The following FARS2 variants were observed in gnomAD, a reference collection of about 807,000 sequenced individuals.
FARS2 encodes phenylalanine--tRNA ligase, mitochondrial.
A neutral mutation model predicts 46.4 loss-of-function variants in FARS2; 40 were observed. That is an observed-to-expected ratio of 0.86 (90% CI 0.67 to 1.12). The LOEUF (loss-of-function observed/expected upper bound fraction) is 1.12. FARS2 is among the 50% of genes most tolerant of loss of function. FARS2 has a pLI of 0.00. For synonymous variants in FARS2, 234 were observed against 214.9 expected (o/e 1.09, Z -0.78); for missense variants, 513 against 567.9 (o/e 0.90, Z 0.98).
At chr6:5,357,831 T>C (rs1758035056) in intron 1 of FARS2, among the ~76,000 whole-genome samples, 2 of 152,238 alleles carry the variant, frequency 1.3e-5, no homozygotes, top group Admixed American at 6.5e-5. Context: ...CACAGATTAA[T>C]GTTTGTCTTT....
At chr6:5,692,359 T>C (rs928497155) in intron 6 of FARS2, among the ~76,000 whole-genome samples, 6 of 152,234 alleles carry the variant, frequency 3.9e-5, no homozygotes, top group African/African-American at 1.4e-4. Flanking sequence ...TCTTAGGCTG[T>C]TTAAAATTTA....
chr6:5,402,920 T>C (rs1761347072), intron 2 of FARS2, among the ~76,000 whole-genome samples: 1 of 152,142 alleles, frequency 6.6e-6, no homozygotes, highest in Non-Finnish European at 1.5e-5. Context: ...CATTCTCCTC[T>C]CTTTCTCTTA....
chr6:5,602,773 T>C (rs1022862993), intron 5 of FARS2, among the ~76,000 whole-genome samples: 5 of 152,016 alleles, frequency 3.3e-5, no homozygotes, highest in African/African-American at 1.2e-4. Flanking sequence ...TGGGGTAGCA[T>C]TGTTAAACCA....
chr6:5,737,291 G>A (rs115069298), intron 6 of FARS2, among the ~76,000 whole-genome samples: 171 of 152,334 alleles, frequency 1.1e-3, no homozygotes, highest in Middle Eastern at 6.8e-3. Flanking sequence ...CCAGAGCTTC[G>A]GGAGGCCAAG....
upstream of FARS2, chr6:5,260,908 C>G (rs542411654): frequency 2.9e-6 from 4 of 1,378,364 alleles, no homozygotes; most frequent in South Asian, 1.6e-5. Context: ...CGGACGGCGC[C>G]AGGCGTCCCG....
chr6:5,672,928 C>G (rs976862286), intron 6 of FARS2, among the ~76,000 whole-genome samples: 6 of 152,196 alleles, frequency 3.9e-5, no homozygotes, highest in African/African-American at 1.2e-4. Flanking sequence ...AAAGAGCCCT[C>G]TGGGCCCTCT....
chr6:5,562,155 T>C (rs1772022273), intron 5 of FARS2, among the ~76,000 whole-genome samples: 1 of 152,150 alleles, frequency 6.6e-6, no homozygotes, highest in Admixed American at 6.5e-5. Context: ...CTTCATATTA[T>C]AATTTTTCGA....
rs142035790 is a variant in FARS2 at position 5,368,308 on chromosome 6, T to C, written c.-21-242T>C. ...TTTTCTACAAAGCCAAGGATCTGAA[T>C]GACAAAGGAAGGACAACTAGAGATT... is the stretch of plus-strand genomic sequence containing the variant. On this transcript the variant is annotated intron_variant, in intron 1 of 6. Transcript: ENST00000274680. Among the ~76,000 whole-genome samples the C allele has an allele frequency of 6.3e-3, 959 of 152,340 alleles. 1 individual carries two copies. Among genetic ancestry groups the C allele is most frequent in the Non-Finnish European group, 0.011 (740 of 68,030 alleles).
At chr6:5,527,316 C>G (rs1483989568) in intron 4 of FARS2, among the ~76,000 whole-genome samples, 1 of 152,244 alleles carries the variant, frequency 6.6e-6, no homozygotes, top group Non-Finnish European at 1.5e-5. Context: ...GTCATAGTGT[C>G]TCCATAATTT....
intron 5 of FARS2, among the ~76,000 whole-genome samples, chr6:5,578,122 T>G (rs1773095037): frequency 6.6e-6 from 1 of 152,166 alleles, no homozygotes; most frequent in Admixed American, 6.5e-5. Context: ...AATATTAATC[T>G]TAATGTTACC....
chr6:5,368,300 G>T lies in FARS2; in HGVS notation c.-21-250G>T, dbSNP rs550650404. Among the ~76,000 whole-genome samples, 8 of 152,292 alleles carry T rather than the reference G, an allele frequency of 5.3e-5. No homozygotes were observed. The East Asian group carries it at 1.3e-3, about 26-fold the overall frequency. ...AAACGAGGTTTTCTACAAAGCCAAG[G>T]ATCTGAATGACAAAGGAAGGACAAC... is the stretch of plus-strand genomic sequence containing the variant. On this transcript the variant is annotated intron_variant, in intron 1 of 6. Coordinates refer to ENST00000274680, the MANE Select transcript of FARS2 (RefSeq NM_006567.5).
intron 6 of FARS2, among the ~76,000 whole-genome samples, chr6:5,674,014 T>G (rs1778620714): frequency 6.6e-6 from 1 of 151,946 alleles, no homozygotes; most frequent in Admixed American, 6.6e-5. Context: ...GAAGAATTCT[T>G]TCAGCCCAAC....
intron 1 of FARS2, chr6:5,272,433 A>G (rs1011115073): frequency 6.6e-6 from 1 of 152,214 alleles, no homozygotes; most frequent in African/African-American, 2.4e-5. Flanking sequence ...CAGTTGCATT[A>G]TCAAATCAAG....
intron 4 of FARS2, 49 bp downstream of exon 4, chr6:5,431,221 C>T: frequency 6.3e-7 from 1 of 1,598,528 alleles, no homozygotes; most frequent in South Asian, 1.1e-5. Flanking sequence ...AAGGAACCCT[C>T]CCTTCTCAGG....
intron 5 of FARS2, among the ~76,000 whole-genome samples, chr6:5,590,002 C>T (rs535066347): frequency 1.2e-4 from 18 of 152,344 alleles, no homozygotes; most frequent in Admixed American, 4.6e-4. Context: ...CTGCAAGTTA[C>T]GGTTTCTCCA....
chr6:5,523,381 C>T (rs1423376769), intron 4 of FARS2, among the ~76,000 whole-genome samples: 1 of 151,466 alleles, frequency 6.6e-6, no homozygotes, highest in Non-Finnish European at 1.5e-5. Context: ...AGTTGGAATC[C>T]ACCAGCATGG....
intron 1 of FARS2, among the ~76,000 whole-genome samples, chr6:5,296,859 A>C (rs374028445): frequency 6.6e-6 from 1 of 152,226 alleles, no homozygotes; most frequent in Non-Finnish European, 1.5e-5. Flanking sequence ...CCTTTCGGCT[A>C]TTATGAATAA....
Position 5,453,738 on chromosome 6 carries a change from G to C in FARS2, c.904+22566G>C, listed in dbSNP as rs184029685. On this transcript the variant is annotated intron_variant, in intron 4 of 6. Transcript: ENST00000274680. Reference sequence around the variant, plus strand: ...CTCCTGTGTGTGTGGCAGGTTGCCAGGTGCCCCAGATGGTACCAAGGTATG... The same window carrying C: ...CTCCTGTGTGTGTGGCAGGTTGCCACGTGCCCCAGATGGTACCAAGGTATG... Among the ~76,000 whole-genome samples, 391 of 152,342 alleles carry C rather than the reference G, an allele frequency of 2.6e-3. 2 individuals are homozygous for C. Among genetic ancestry groups the C allele is most frequent in the African/African-American group, 9.0e-3 (376 of 41,586 alleles).
At chr6:5,508,484 G>T (rs1768232794) in intron 4 of FARS2, among the ~76,000 whole-genome samples, 1 of 150,660 alleles carries the variant, frequency 6.6e-6, no homozygotes, top group South Asian at 2.1e-4. Context: ...GGCCAGGAGG[G>T]AATCTGTGAA....
Sources: allele counts gnomAD v4.1 joint callset (sites outside exome capture counted in the v4.1 genomes callset), GRCh38; gene constraint gnomAD v4.1.1; transcripts MANE v1.5; gene names NCBI Gene and HGNC (gene_info 2026-07-23, HGNC 2026-07-21).